DPP10: variants seen among roughly 807,000 people sequenced by gnomAD.
DPP10 encodes inactive dipeptidyl peptidase 10.
A neutral mutation model predicts 120.9 loss-of-function variants in DPP10; 33 were observed. That is an observed-to-expected ratio of 0.27 (90% CI 0.21 to 0.37). The LOEUF (loss-of-function observed/expected upper bound fraction) is 0.37. Among genes scored for constraint, DPP10 ranks in the 10% least tolerant of loss-of-function variants. The pLI, the probability that DPP10 is intolerant of heterozygous loss-of-function variation, is 1.00. For missense variants in DPP10, 816 were observed against 942.8 expected (o/e 0.87, Z 1.76); for synonymous variants, 337 against 326.1 (o/e 1.03, Z -0.36).
chr2:115,822,746 C>G (rs1332837728), intron 21 of DPP10, among the ~76,000 whole-genome samples: 1 of 151,816 alleles, frequency 6.6e-6, no homozygotes, highest in Non-Finnish European at 1.5e-5. Flanking sequence ...AGAATATTGT[C>G]ATAACTTCTC....
At chr2:115,592,156 G>T (rs781304350) in intron 5 of DPP10, among the ~76,000 whole-genome samples, 52 of 152,136 alleles carry the variant, frequency 3.4e-4, no homozygotes, top group Admixed American at 2.9e-3. Flanking sequence ...ACACGTGAGA[G>T]CCTTCAGAAT....
chr2:115,006,918 T>G (rs1212853379), intron 1 of DPP10, among the ~76,000 whole-genome samples: 1 of 152,022 alleles, frequency 6.6e-6, no homozygotes, highest in Non-Finnish European at 1.5e-5. Context: ...AATATACATT[T>G]TTTTCAGCAC....
intron 1 of DPP10, among the ~76,000 whole-genome samples, chr2:115,171,155 G>C (rs993536823): frequency 1.3e-5 from 2 of 152,128 alleles, no homozygotes. Context: ...GAGGTCAGGA[G>C]TTTGAGACCA....
At chr2:115,003,749 A>T (rs1701615162) in intron 1 of DPP10, among the ~76,000 whole-genome samples, 1 of 152,232 alleles carries the variant, frequency 6.6e-6, no homozygotes, top group South Asian at 2.1e-4. Context: ...TATTGACCAA[A>T]ATTTTTATAG....
At chr2:114,846,971 CT>C (rs1688593464) in intron 1 of DPP10, among the ~76,000 whole-genome samples, 1 of 152,240 alleles carries the variant, frequency 6.6e-6, no homozygotes, top group South Asian at 2.1e-4. Context: ...ATCATCACCC[CT>C]GTTTTCTTCC....
intron 3 of DPP10, among the ~76,000 whole-genome samples, chr2:115,450,899 A>C (rs1292465376): frequency 6.6e-6 from 1 of 151,964 alleles, no homozygotes; most frequent in East Asian, 1.9e-4. Flanking sequence ...GATAATGAAA[A>C]TATTAACAGA....
intron 1 of DPP10, among the ~76,000 whole-genome samples, chr2:114,889,435 CAT>C (rs777000662): frequency 1.3e-5 from 2 of 150,906 alleles, no homozygotes; most frequent in African/African-American, 4.9e-5. Flanking sequence ...AAAATATATA[CAT>C]ATATATATTG....
chr2:115,437,452 A>G (rs577951888), intron 3 of DPP10, among the ~76,000 whole-genome samples: 7 of 152,204 alleles, frequency 4.6e-5, no homozygotes, highest in Admixed American at 4.6e-4. Context: ...ATGAGGATGA[A>G]GTGGAGTGAA....
At chr2:115,072,586 T>C (rs565102069) in intron 1 of DPP10, among the ~76,000 whole-genome samples, 1 of 152,274 alleles carries the variant, frequency 6.6e-6, no homozygotes, top group East Asian at 1.9e-4. Context: ...TGCTTAAGTG[T>C]GTTAATTCAC....
intron 1 of DPP10, among the ~76,000 whole-genome samples, chr2:114,826,239 C>T (rs1686520521): frequency 6.6e-6 from 1 of 152,054 alleles, no homozygotes; most frequent in Non-Finnish European, 1.5e-5. Context: ...ATGTTGTTTT[C>T]ATAATTATAT....
intron 1 of DPP10, among the ~76,000 whole-genome samples, chr2:114,997,326 G>A (rs1331443266): frequency 5.9e-5 from 8 of 135,778 alleles, no homozygotes; most frequent in Admixed American, 7.5e-5. Context: ...CGTCTCTACT[G>A]AAAAAAAAAA....
intron 3 of DPP10, among the ~76,000 whole-genome samples, chr2:115,429,438 TGAG>T (rs2070772811): frequency 1.3e-5 from 2 of 152,058 alleles, no homozygotes; most frequent in African/African-American, 4.8e-5. Flanking sequence ...AGAGTGGTAA[TGAG>T]GTTTAAAAAT....
intron 1 of DPP10, among the ~76,000 whole-genome samples, chr2:114,776,825 T>G (rs1026006190): frequency 1.3e-5 from 2 of 151,970 alleles, no homozygotes; most frequent in Non-Finnish European, 2.9e-5. Flanking sequence ...AGGGGATGAG[T>G]GGAGACACCT....
chr2:114,872,042 A>T (rs1558829162), intron 1 of DPP10, among the ~76,000 whole-genome samples: 1 of 152,230 alleles, frequency 6.6e-6, no homozygotes, highest in Non-Finnish European at 1.5e-5. Context: ...ATACAGATTA[A>T]CATTAGCAAA....
At chr2:115,601,011 T>G (rs1482170071) in intron 5 of DPP10, among the ~76,000 whole-genome samples, 2 of 152,200 alleles carry the variant, frequency 1.3e-5, no homozygotes. Flanking sequence ...AATAAAAAGC[T>G]TTCCTTCATC....
intron 1 of DPP10, among the ~76,000 whole-genome samples, chr2:114,606,298 G>C (rs550177045): frequency 2.6e-5 from 4 of 152,194 alleles, no homozygotes; most frequent in Admixed American, 6.6e-5. Flanking sequence ...CTAGGACTCA[G>C]ACTGGTCCTT....
intron 13 of DPP10, among the ~76,000 whole-genome samples, chr2:115,775,813 A>G (rs1682030525): frequency 6.6e-6 from 1 of 152,126 alleles, no homozygotes. Context: ...ATTAACTCTT[A>G]TTTTTTGAAC....
chr2:115,571,592 G>A (rs1366143055), intron 5 of DPP10, among the ~76,000 whole-genome samples: 1 of 152,062 alleles, frequency 6.6e-6, no homozygotes, highest in Non-Finnish European at 1.5e-5. Context: ...ATTGAAAATG[G>A]ACATTGATAC....
intron 1 of DPP10, among the ~76,000 whole-genome samples, chr2:114,907,125 A>G (rs1033009785): frequency 2.7e-5 from 4 of 148,216 alleles, no homozygotes; most frequent in African/African-American, 7.4e-5. Flanking sequence ...TTTTTATAGT[A>G]TTCACTTTCA....
Sources: allele counts gnomAD v4.1 joint callset (sites outside exome capture counted in the v4.1 genomes callset), GRCh38; gene constraint gnomAD v4.1.1; transcripts MANE v1.5; gene names NCBI Gene and HGNC (gene_info 2026-07-23, HGNC 2026-07-21).